The following MRTFB variants were observed in gnomAD, a reference collection of about 807,000 sequenced individuals.
MRTFB encodes myocardin-related transcription factor B.
Under a neutral mutation model 104.2 loss-of-function variants are expected in MRTFB, and 29 were observed. That is an observed-to-expected ratio of 0.28 (90% CI 0.21 to 0.38). The LOEUF is 0.38. Among genes scored for constraint, MRTFB ranks in the 10% least tolerant of loss-of-function variants. The pLI, the probability that MRTFB is intolerant of heterozygous loss-of-function variation, is 1.00. For synonymous variants in MRTFB, 535 were observed against 519.5 expected (o/e 1.03, Z -0.41); for missense variants, 1,270 against 1,341.6 (o/e 0.95, Z 0.83).
the MRTFB span, among the ~76,000 whole-genome samples, chr16:14,035,758 C>T: frequency 1.3e-5 from 2 of 151,904 alleles, no homozygotes; most frequent in Non-Finnish European, 2.9e-5. Context: ...GGGGAACAGG[C>T]AGTATTTGGT....
At chr16:14,063,212 G>A in the MRTFB span, among the ~76,000 whole-genome samples, 6 of 152,154 alleles carry the variant, frequency 3.9e-5, no homozygotes, top group Non-Finnish European at 8.8e-5. Flanking sequence ...GACCAACGAC[G>A]TTGCTCACAA....
chr16:14,200,549 A>G, intron 3 of MRTFB: 1 of 1,604,960 alleles, frequency 6.2e-7, no homozygotes, highest in Non-Finnish European at 8.5e-7. Flanking sequence ...TATTACCTGT[A>G]TGGTAACAAT....
the MRTFB span, among the ~76,000 whole-genome samples, chr16:14,033,775 G>A: frequency 7.4e-5 from 11 of 148,848 alleles, no homozygotes; most frequent in Admixed American, 1.4e-4. Flanking sequence ...GACAGAGGCT[G>A]CAGTGTGCTG....
intron 12 of MRTFB, chr16:14,247,809 C>A: frequency 3.2e-6 from 1 of 309,884 alleles, no homozygotes; most frequent in East Asian, 6.4e-5. Flanking sequence ...CATAGTCTGC[C>A]GCTGAGCACT....
the MRTFB span, among the ~76,000 whole-genome samples, chr16:14,063,281 C>T: frequency 2.0e-5 from 3 of 152,182 alleles, no homozygotes; most frequent in African/African-American, 4.8e-5. Context: ...GCTCGGGGTG[C>T]ACATGTGTCT....
At chr16:14,091,043 G>A (rs954330046) in intron 2 of MRTFB, among the ~76,000 whole-genome samples, 1 of 152,130 alleles carries the variant, frequency 6.6e-6, no homozygotes, top group African/African-American at 2.4e-5. Context: ...TGCCCTTAGT[G>A]ATGGGGAGTC....
intron 2 of MRTFB, among the ~76,000 whole-genome samples, chr16:14,101,127 G>GTT (rs199837576): frequency 1.3e-4 from 16 of 122,996 alleles, no homozygotes; most frequent in Non-Finnish European, 2.2e-4. Flanking sequence ...ATTATGTAGG[G>GTT]TTTTTTTTTT....
chr16:14,259,371 A>T (rs1183512609), intron 16 of MRTFB, among the ~76,000 whole-genome samples: 1 of 152,226 alleles, frequency 6.6e-6, no homozygotes, highest in Non-Finnish European at 1.5e-5. Flanking sequence ...TTCTAAAATG[A>T]GATTTTTTTT....
At chr16:14,001,715 C>T in the MRTFB span, among the ~76,000 whole-genome samples, 6 of 152,200 alleles carry the variant, frequency 3.9e-5, no homozygotes, top group Non-Finnish European at 7.3e-5. Context: ...ACCAGGCCGG[C>T]GGGCTCCGAC....
chr16:14,214,186 G>A (rs2041317954), intron 6 of MRTFB, among the ~76,000 whole-genome samples: 2 of 152,168 alleles, frequency 1.3e-5, no homozygotes, highest in South Asian at 4.1e-4. Flanking sequence ...ACATGGGTCA[G>A]GCCAGGATGT....
the MRTFB span, among the ~76,000 whole-genome samples, chr16:14,010,431 C>G: frequency 1.1e-4 from 17 of 152,136 alleles, no homozygotes; most frequent in Non-Finnish European, 2.2e-4. Context: ...GCCTCAGCTT[C>G]CCGAGTAGCT....
At chr16:14,024,856 G>A in the MRTFB span, among the ~76,000 whole-genome samples, 1 of 152,118 alleles carries the variant, frequency 6.6e-6, no homozygotes, top group African/African-American at 2.4e-5. Flanking sequence ...TCATGAGGTG[G>A]CTGCTATTAT....
upstream of MRTFB, among the ~76,000 whole-genome samples, chr16:14,069,115 AC>A (rs1462565785): frequency 1.3e-5 from 2 of 151,606 alleles, no homozygotes; most frequent in Non-Finnish European, 2.9e-5. Context: ...GATTACAGGC[AC>A]CCATCACCAC....
the MRTFB span, among the ~76,000 whole-genome samples, chr16:14,064,035 C>T: frequency 2.0e-5 from 3 of 152,176 alleles, no homozygotes; most frequent in African/African-American, 7.2e-5. Flanking sequence ...GTTTTAAGTT[C>T]ATTGAGAAAT....
At chr16:14,014,023 C>T in the MRTFB span, among the ~76,000 whole-genome samples, 45 of 152,274 alleles carry the variant, frequency 3.0e-4, no homozygotes, top group African/African-American at 1.0e-3. Flanking sequence ...TTCGCTTAGT[C>T]GTTTGTCTGT....
At position 14,140,620 on chromosome 16, in the gene MRTFB, G is replaced by A. The variant is rs74869205; in HGVS notation, c.14G>A (p.Gly5Glu). 211 of 1,614,146 alleles carry A rather than the reference G, an allele frequency of 1.3e-4. 1 individual carries two copies. In the East Asian group the frequency reaches 3.7e-3, roughly 28 times the overall value. The change falls in exon 3 of 17, where the codon GGG becomes GAG. Residue 5 changes from glycine to glutamate, a missense_variant. Transcript: ENST00000571589. MDHT[G>E]AIDTEDEVGP... is the part of the protein sequence containing the mutation. ...GGCTGGAACACAATGGATCACACAG[G>A]GGCGATAGACACCGAGGATGAAGTG...
chr16:14,148,574 T>C (rs1379443967), intron 3 of MRTFB: 1 of 152,666 alleles, frequency 6.6e-6, no homozygotes, highest in Non-Finnish European at 1.5e-5. Flanking sequence ...TTACCTAGAC[T>C]AATTAGCAAA....
chr16:14,260,089 G>A (rs1283963895), intron 16 of MRTFB, among the ~76,000 whole-genome samples: 1 of 152,040 alleles, frequency 6.6e-6, no homozygotes, highest in Non-Finnish European at 1.5e-5. Flanking sequence ...TATAGAAGAT[G>A]GTCTGTTAAT....
At chr16:14,201,255 C>T (rs923076391) in intron 3 of MRTFB, among the ~76,000 whole-genome samples, 1 of 152,168 alleles carries the variant, frequency 6.6e-6, no homozygotes, top group Non-Finnish European at 1.5e-5. Flanking sequence ...CATGTAATAT[C>T]AGTATATCCC....
Sources: allele counts gnomAD v4.1 joint callset (sites outside exome capture counted in the v4.1 genomes callset), GRCh38; gene constraint gnomAD v4.1.1; transcripts MANE v1.5; gene names NCBI Gene and HGNC (gene_info 2026-07-23, HGNC 2026-07-21).